BEST3: variants seen among roughly 807,000 people sequenced by gnomAD.
BEST3 encodes the protein bestrophin-3.
Under a neutral mutation model 47.1 loss-of-function variants are expected in BEST3, and 50 were observed. The observed-to-expected ratio is 1.06, with a 90% CI of 0.85 to 1.34. BEST3 has a LOEUF of 1.34. Among genes scored for constraint, BEST3 ranks in the 40% most tolerant of loss-of-function variants. BEST3 has a pLI of 0.00. For missense variants in BEST3, 765 were observed against 817.0 expected (o/e 0.94, Z 0.78); for synonymous variants, 282 against 298.8 (o/e 0.94, Z 0.58).
chr12:69,677,559 T>A (rs1384990576), intron 5 of BEST3, among the ~76,000 whole-genome samples: 9 of 152,178 alleles, frequency 5.9e-5, no homozygotes, highest in African/African-American at 2.2e-4. Context: ...GGCAGGAGGA[T>A]CTCTTGAGCC....
intron 3 of BEST3, 175 bp from the exon 4 acceptor site, chr12:69,694,082 T>A: frequency 1.6e-6 from 1 of 606,088 alleles, no homozygotes; most frequent in African/African-American, 1.8e-5. Context: ...TGGCAATGCC[T>A]AAGCACCCTG....
At chr12:69,676,304 G>A (rs1317983908) in intron 7 of BEST3, among the ~76,000 whole-genome samples, 2 of 152,188 alleles carry the variant, frequency 1.3e-5, no homozygotes, top group South Asian at 4.1e-4. Context: ...TGTAATCCTC[G>A]GGAGGCTGAG....
chr12:69,655,434 G>A lies in BEST3; in HGVS notation c.1480C>T (p.Pro494Ser). ...TCAGGTACCAGTGGCATTTTGATGGGGGAAGTTCTCACACTGGACTGTGGG... is the reference window on the plus strand; with the variant it reads ...TCAGGTACCAGTGGCATTTTGATGGAGGAAGTTCTCACACTGGACTGTGGG... ...LTPQSSVRTSPIKMPLVPEVL... is the reference protein window; with the variant it reads ...LTPQSSVRTSSIKMPLVPEVL... The change falls in exon 10 of 10, where the codon CCC becomes TCC. Residue 494 changes from proline to serine, a missense_variant. Physicochemically the swap from Pro to Ser is moderately conservative, Grantham distance 74. Transcript: ENST00000330891. 1 of 1,614,164 alleles carries A rather than the reference G, an allele frequency of 6.2e-7. No homozygotes were observed. Among genetic ancestry groups the A allele is most frequent in the South Asian group, 1.1e-5 (1 of 91,082 alleles).
At chr12:69,666,961 A>T (rs1275090817) in intron 9 of BEST3, among the ~76,000 whole-genome samples, 3 of 152,150 alleles carry the variant, frequency 2.0e-5, no homozygotes, top group African/African-American at 7.2e-5. Flanking sequence ...TGTTTAAATG[A>T]CAACAGCCTG....
rs1715559103 is a variant in BEST3, at chr12:69,653,834, C to T, written c.*1073G>A. The T allele has an allele frequency of 1.0e-6, 1 of 985,314 alleles. No individual in the cohort carries two copies. The highest frequency in any genetic ancestry group is 6.1e-5 in the Admixed American group (1 of 16,264). The allele number at this position is 985,314 out of a possible 1,614,324, so 61.0% of individuals were successfully genotyped here. Reference sequence around the variant, plus strand: ...AGTATCCTGCCCATTCCCAAATGACCCGATAGACACAGTAACTGGTCCCGT... The same window carrying T: ...AGTATCCTGCCCATTCCCAAATGACTCGATAGACACAGTAACTGGTCCCGT... On this transcript the variant is annotated 3_prime_UTR_variant, in exon 10 of 10. Coordinates refer to ENST00000330891, the MANE Select transcript of BEST3 (RefSeq NM_032735.3).
chr12:69,650,389 CA>C (rs1200418359), downstream of BEST3, among the ~76,000 whole-genome samples: 3 of 151,996 alleles, frequency 2.0e-5, no homozygotes, highest in Non-Finnish European at 2.9e-5. Context: ...ACTAAAAAAA[CA>C]AAAAAGCATG....
chr12:69,670,213 A>G (rs17106926), intron 9 of BEST3: 6,121 of 484,604 alleles, frequency 0.013, 291 homozygotes, highest in African/African-American at 0.1. Flanking sequence ...CATGCATACA[A>G]CAAGAGATTC....
rs1214169962 is a variant in BEST3 at position 69,655,309 on chromosome 12, C to A, written c.1605G>T (p.Gln535His). Reference protein sequence around the residue: ...SILSSEFTGVQPSKTEQQQGP... With the variant: ...SILSSEFTGVHPSKTEQQQGP... Reference sequence around the variant, plus strand: ...CCTGCTGCTGCTCAGTCTTGCTTGGCTGAACCCCTGTAAACTCAGAGCTCA... The same window carrying A: ...CCTGCTGCTGCTCAGTCTTGCTTGGATGAACCCCTGTAAACTCAGAGCTCA... The change falls in exon 10 of 10, where the codon CAG becomes CAT. Residue 535 changes from glutamine to histidine, a missense_variant. Transcript: ENST00000330891. The A allele has an allele frequency of 3.1e-6, 5 of 1,614,172 alleles. No homozygotes were observed. In the Admixed American group the frequency reaches 5.0e-5, roughly 16 times the overall value.
At chr12:69,684,479 C>T (rs757508101) in intron 4 of BEST3, 6 of 556,050 alleles carry the variant, frequency 1.1e-5, no homozygotes, top group Admixed American at 1.1e-4. Context: ...TCTATTTTTC[C>T]TTGATTGAAG....
chr12:69,686,896 A>C (rs913479907), intron 4 of BEST3, among the ~76,000 whole-genome samples: 5 of 152,208 alleles, frequency 3.3e-5, no homozygotes, highest in Non-Finnish European at 5.9e-5. Context: ...AAGGTCGCAA[A>C]ACTTTCACCA....
chr12:69,647,187 T>A (rs6581900), intron 9 of BEST3, among the ~76,000 whole-genome samples: 64,676 of 152,084 alleles, frequency 0.43, 15,542 homozygotes, highest in Middle Eastern at 0.59. Flanking sequence ...TAGAATTTGA[T>A]TGTGGACTCC....
At chr12:69,653,009 C>A (rs937388022), downstream of BEST3, among the ~76,000 whole-genome samples, 1 of 152,212 alleles carries the variant, frequency 6.6e-6, no homozygotes, top group Non-Finnish European at 1.5e-5. Flanking sequence ...AATATTATTT[C>A]TTTTCAGTCC....
chr12:69,655,167 C>T lies in BEST3; in HGVS notation c.1747G>A (p.Gly583Ser), dbSNP rs986173250. ...CTCCACCTTTTTAGAAAGGTATCAC[C>T]AGGGTCTTCTTCACAGTTGAATATA... Reference protein sequence around the residue: ...ENIFNCEEDPGDTFLKRWSLP... With the variant: ...ENIFNCEEDPSDTFLKRWSLP... Residue 583 changes from glycine (G) to serine (S), a missense_variant, in exon 10 of 10, where the codon GGT (glycine) becomes AGT (serine). Gly to Ser is a moderately conservative substitution (Grantham distance 56). Transcript: ENST00000330891. 4.3e-6 allele frequency: 7 copies of T among 1,614,014 alleles called. No homozygotes were observed. Among genetic ancestry groups the T allele is most frequent in the Non-Finnish European group, 5.9e-6 (7 of 1,180,016 alleles).
intron 4 of BEST3, among the ~76,000 whole-genome samples, chr12:69,692,756 A>G (rs1885968956): frequency 6.6e-6 from 1 of 152,164 alleles, no homozygotes; most frequent in Non-Finnish European, 1.5e-5. Flanking sequence ...AATGTGACAG[A>G]TTATTTTTAT....
chr12:69,680,379 G>T (rs1381896924), intron 4 of BEST3, among the ~76,000 whole-genome samples: 2 of 143,238 alleles, frequency 1.4e-5, no homozygotes. Context: ...CGCGATCTCA[G>T]CTCACTGCAA....
intron 9 of BEST3, among the ~76,000 whole-genome samples, chr12:69,657,075 CAAAT>C (rs1358610347): frequency 6.6e-6 from 1 of 152,066 alleles, no homozygotes; most frequent in Non-Finnish European, 1.5e-5. Context: ...AAAAATAAAA[CAAAT>C]AATTCTACCA....
At position 69,697,652 on chromosome 12, in the gene BEST3, T is replaced by C. The variant is rs775429; in HGVS notation, c.147A>G (p.Val49=). 1 allele frequency: 1,580,445 copies of C among 1,587,198 alleles called. 787,076 individuals are homozygous for C. Among genetic ancestry groups the C allele is most frequent in the East Asian group, 1 (44,042 of 44,042 alleles). ...FAVLYTAISL[V]YRLLLTGVQK... is the part of the protein sequence containing the mutation. Reference sequence around the variant, plus strand: ...AGACATGTAAAGAAAAGTACCTGTATACCAAACTTATTGCTGTATAAAGAA... The same window carrying C: ...AGACATGTAAAGAAAAGTACCTGTACACCAAACTTATTGCTGTATAAAGAA... Residue 49 remains valine (V), a synonymous_variant, in exon 2 of 10, where the codon GTA becomes GTG. Transcript: ENST00000330891.
downstream of BEST3, among the ~76,000 whole-genome samples, chr12:69,650,616 C>T (rs930664540): frequency 6.6e-6 from 1 of 152,110 alleles, no homozygotes; most frequent in Non-Finnish European, 1.5e-5. Flanking sequence ...TGATCCAGGA[C>T]CAGGTTTAGG....
At chr12:69,658,084 A>C (rs1409552526) in intron 9 of BEST3, among the ~76,000 whole-genome samples, 2 of 152,160 alleles carry the variant, frequency 1.3e-5, no homozygotes, top group South Asian at 4.1e-4. Flanking sequence ...GTTCACTAAC[A>C]CAGCCACTCT....
Sources: gnomAD v4.1 joint callset for allele counts (sites outside exome capture counted in the v4.1 genomes callset) on GRCh38, gnomAD v4.1.1 for gene constraint, MANE v1.5 for transcripts, NCBI Gene and HGNC (gene_info 2026-07-23, HGNC 2026-07-21) for gene names.